ELMO1: variants seen among roughly 807,000 people sequenced by gnomAD.
ELMO1 encodes engulfment and cell motility protein 1.
ELMO1 carries 26 observed loss-of-function variants against 98.9 expected under a neutral mutation model. The ratio of observed to expected loss-of-function variants is 0.26; its 90% CI spans 0.19 to 0.36. The LOEUF (loss-of-function observed/expected upper bound fraction) is 0.36, where lower values mean the gene tolerates loss of function less well. Ranked by LOEUF, ELMO1 falls within the 10% of genes least tolerant of loss-of-function variation. The pLI is 1.00. For synonymous variants in ELMO1, 346 were observed against 346.0 expected (o/e 1.00, Z 0.00); for missense variants, 627 against 935.2 (o/e 0.67, Z 4.30).
chr7:37,005,619 G>T (rs1793032032), intron 16 of ELMO1, among the ~76,000 whole-genome samples: 2 of 146,466 alleles, frequency 1.4e-5, no homozygotes, highest in Middle Eastern at 3.9e-3. Context: ...TTGAATTCAG[G>T]ATGCAGAGGT....
chr7:36,953,348 T>G (rs1788153316), intron 16 of ELMO1, among the ~76,000 whole-genome samples: 1 of 152,174 alleles, frequency 6.6e-6, no homozygotes, highest in Admixed American at 6.5e-5. Context: ...TATGCAAATA[T>G]TTTAGGTCTG....
At chr7:37,417,304 T>A (rs929265366) in intron 1 of ELMO1, among the ~76,000 whole-genome samples, 1 of 152,116 alleles carries the variant, frequency 6.6e-6, no homozygotes, top group East Asian at 1.9e-4. Flanking sequence ...ACGAGGTCAT[T>A]TGGGCAGGTG....
chr7:36,880,025 G>A (rs751439609), intron 18 of ELMO1, among the ~76,000 whole-genome samples: 1 of 152,180 alleles, frequency 6.6e-6, no homozygotes, highest in Non-Finnish European at 1.5e-5. Context: ...CAGTGCTCTT[G>A]GGGGCCTGTG....
intron 2 of ELMO1, among the ~76,000 whole-genome samples, chr7:37,338,069 G>A (rs919564141): frequency 6.6e-6 from 1 of 152,196 alleles, no homozygotes; most frequent in African/African-American, 2.4e-5. Flanking sequence ...AAGTGCAGGT[G>A]AAAAGGAAAA....
intron 16 of ELMO1, among the ~76,000 whole-genome samples, chr7:36,928,505 T>C (rs556582817): frequency 6.6e-6 from 1 of 152,324 alleles, no homozygotes; most frequent in African/African-American, 2.4e-5. Flanking sequence ...AACAGTATAT[T>C]ACACCATCGT....
intron 6 of ELMO1, among the ~76,000 whole-genome samples, chr7:37,245,946 G>T (rs1278568796): frequency 6.6e-6 from 1 of 152,154 alleles, no homozygotes; most frequent in East Asian, 1.9e-4. Context: ...GAATGAATTA[G>T]TCCACATTGT....
At chr7:37,045,180 T>G (rs781111460) in intron 15 of ELMO1, among the ~76,000 whole-genome samples, 5 of 152,222 alleles carry the variant, frequency 3.3e-5, no homozygotes, top group Admixed American at 3.3e-4. Flanking sequence ...GGTGGAATCC[T>G]GGAATACAAA....
chr7:37,025,016 G>A (rs1794488088), intron 15 of ELMO1, among the ~76,000 whole-genome samples: 1 of 152,228 alleles, frequency 6.6e-6, no homozygotes, highest in Admixed American at 6.5e-5. Flanking sequence ...GTAACCCCTG[G>A]GAATTTGCTT....
In ELMO1 at chr7:37,395,210, A is replaced by C. The variant is rs1803242843; in HGVS notation, c.-73-52447T>G. ...GAGAAACCCCGTCTCTACTAAAATA[A>C]TACAAAATTAGCTGGGCGTAGTAGT... On this transcript the variant is annotated intron_variant, in intron 1 of 21. Coordinates refer to ENST00000310758, the MANE Select transcript of ELMO1 (RefSeq NM_014800.11). Among the ~76,000 whole-genome samples the C allele has an allele frequency of 2.0e-5, 3 of 152,012 alleles. No individual in the cohort carries two copies. In the South Asian group the frequency reaches 6.2e-4, roughly 32 times the overall value.
At chr7:37,134,270 C>T (rs1033819786) in intron 13 of ELMO1, among the ~76,000 whole-genome samples, 1 of 152,132 alleles carries the variant, frequency 6.6e-6, no homozygotes, top group Non-Finnish European at 1.5e-5. Flanking sequence ...TGGCTATCTA[C>T]ACAAAGGAAA....
At chr7:37,389,613 C>A (rs750040134) in intron 1 of ELMO1, among the ~76,000 whole-genome samples, 2 of 152,130 alleles carry the variant, frequency 1.3e-5, no homozygotes, top group Non-Finnish European at 2.9e-5. Context: ...TTCCATCCTG[C>A]CACACTGTGG....
intron 5 of ELMO1, among the ~76,000 whole-genome samples, chr7:37,263,435 G>T (rs977237673): frequency 1.3e-5 from 2 of 152,134 alleles, no homozygotes; most frequent in African/African-American, 4.8e-5. Flanking sequence ...AGACAGCTAC[G>T]GTTCTCAACC....
intron 2 of ELMO1, 68 bp from the exon 3 acceptor site, chr7:37,316,028 A>C (rs985051200): frequency 1.2e-4 from 150 of 1,235,452 alleles, no homozygotes; most frequent in Non-Finnish European, 1.6e-4. Flanking sequence ...AAAAAAGAAG[A>C]AGCTTCATAA....
chr7:36,935,603 C>G (rs1398789339), intron 16 of ELMO1, among the ~76,000 whole-genome samples: 1 of 152,222 alleles, frequency 6.6e-6, no homozygotes, highest in Non-Finnish European at 1.5e-5. Flanking sequence ...TCTCCCAGCA[C>G]AGGCACCCCC....
chr7:37,252,731 G>A (rs1324253046), intron 6 of ELMO1, among the ~76,000 whole-genome samples: 1 of 152,050 alleles, frequency 6.6e-6, no homozygotes, highest in Admixed American at 6.5e-5. Context: ...TAGACAAATG[G>A]GGTCTAATTA....
intron 13 of ELMO1, among the ~76,000 whole-genome samples, chr7:37,150,446 A>AG (rs1788283151): frequency 1.3e-5 from 2 of 151,842 alleles, no homozygotes; most frequent in Admixed American, 1.3e-4. Flanking sequence ...ACACTAAAAA[A>AG]AAAAAAATTG....
intron 1 of ELMO1, among the ~76,000 whole-genome samples, chr7:37,427,006 C>T (rs544441028): frequency 1.3e-5 from 2 of 151,980 alleles, no homozygotes; most frequent in African/African-American, 2.4e-5. Flanking sequence ...AAAGATTCTA[C>T]GTCTTTTTTC....
chr7:37,386,780 C>G (rs569918503), intron 1 of ELMO1, among the ~76,000 whole-genome samples: 3 of 152,336 alleles, frequency 2.0e-5, no homozygotes, highest in African/African-American at 7.2e-5. Flanking sequence ...AAGATCCTCC[C>G]ATCCCCTGCC....
chr7:37,212,856 G>A (rs1168684833), intron 12 of ELMO1, among the ~76,000 whole-genome samples: 3 of 152,174 alleles, frequency 2.0e-5, no homozygotes, highest in Admixed American at 6.5e-5. Context: ...CCAGCAGAGA[G>A]TTACAGCCAA....
Sources: allele counts gnomAD v4.1 joint callset (sites outside exome capture counted in the v4.1 genomes callset), GRCh38; gene constraint gnomAD v4.1.1; transcripts MANE v1.5; gene names NCBI Gene and HGNC (gene_info 2026-07-23, HGNC 2026-07-21).